The following PREP variants were observed in gnomAD, a reference collection of about 807,000 sequenced individuals.
PREP encodes dJ355L5.1 (prolyl endopeptidase).
In PREP, 29 loss-of-function variants were observed where a neutral mutation model predicts 87.6. The ratio of observed to expected loss-of-function variants is 0.33; its 90% CI spans 0.25 to 0.45. PREP has a LOEUF of 0.45. Among genes scored for constraint, PREP ranks in the 20% least tolerant of loss-of-function variants. The pLI is 1.00. For missense variants in PREP, 695 were observed against 886.5 expected (o/e 0.78, Z 2.74); for synonymous variants, 337 against 328.6 (o/e 1.03, Z -0.28).
intron 11 of PREP, among the ~76,000 whole-genome samples, chr6:105,288,404 G>A (rs1000499660): frequency 4.6e-5 from 7 of 152,214 alleles, no homozygotes; most frequent in African/African-American, 1.2e-4. Context: ...AGGCTGGAGC[G>A]CAGTGGCGTG....
At position 105,346,922 on chromosome 6, in the gene PREP, G is replaced by A. The variant is rs150547812; in HGVS notation, c.823+6050C>T. On this transcript the variant is annotated intron_variant, in intron 7 of 14. Coordinates refer to ENST00000652536, the MANE Select transcript of PREP (RefSeq NM_002726.5). The stretch of plus-strand genomic sequence containing the variant: ...TCATGACCAGCCTGGCCAACATGGC[G>A]AAACCCTGTTTCTACTAAAAATACA... Among the ~76,000 whole-genome samples the A allele has an allele frequency of 0.011, 1,699 of 152,270 alleles. 107 individuals are homozygous for A. The East Asian group carries it at 0.17, about 15-fold the overall frequency.
chr6:105,309,961 C>A (rs1770728247), intron 10 of PREP, among the ~76,000 whole-genome samples: 1 of 152,170 alleles, frequency 6.6e-6, no homozygotes, highest in African/African-American at 2.4e-5. Context: ...ATTTTCTTCC[C>A]CTCTCCTACC....
At chr6:105,376,991 T>C (rs532249587) in intron 3 of PREP, among the ~76,000 whole-genome samples, 1 of 152,280 alleles carries the variant, frequency 6.6e-6, no homozygotes, top group Admixed American at 6.5e-5. Context: ...GAGAAGTGAA[T>C]TCACCCATTT....
At chr6:105,350,640 T>C (rs1771924940) in intron 7 of PREP, among the ~76,000 whole-genome samples, 1 of 152,172 alleles carries the variant, frequency 6.6e-6, no homozygotes, top group Non-Finnish European at 1.5e-5. Flanking sequence ...CAGTGATCAA[T>C]TAAAAAGCAA....
intron 7 of PREP, among the ~76,000 whole-genome samples, chr6:105,340,305 G>T (rs954842630): frequency 2.4e-4 from 37 of 152,154 alleles, no homozygotes; most frequent in Admixed American, 2.4e-3. Context: ...CTTCATAAGT[G>T]AAGGAGAAAG....
intron 13 of PREP, 128 bp downstream of exon 13, chr6:105,282,323 T>C (rs1052170660): frequency 5.2e-6 from 6 of 1,163,492 alleles, no homozygotes; most frequent in Non-Finnish European, 6.0e-6. Flanking sequence ...TACAAATGGG[T>C]TTTGCTCTCC....
chr6:105,328,922 T>A lies in PREP; in HGVS notation c.1120A>T (p.Thr374Ser), dbSNP rs1249734176. The A allele has an allele frequency of 6.2e-7, 1 of 1,614,096 alleles. No individual in the cohort carries two copies. Among genetic ancestry groups the A allele is most frequent in the East Asian group, 2.2e-5 (1 of 44,880 alleles). Reference sequence around the variant, plus strand: ...ATGCTGCCGACATCGAGCGGGAAGGTCTTAAGGAGAGCACCAGTAGTCAGG... The same window carrying A: ...ATGCTGCCGACATCGAGCGGGAAGGACTTAAGGAGAGCACCAGTAGTCAGG... Reference protein sequence around the residue: ...HDLTTGALLKTFPLDVGSIVG... With the variant: ...HDLTTGALLKSFPLDVGSIVG... The change falls in exon 9 of 15, where the codon ACC becomes TCC. Residue 374 changes from threonine to serine, a missense_variant. Transcript: ENST00000652536.
chr6:105,354,149 T>A (rs147873816), intron 6 of PREP, among the ~76,000 whole-genome samples: 24 of 152,346 alleles, frequency 1.6e-4, no homozygotes, highest in African/African-American at 5.8e-4. Flanking sequence ...AACTGCTGTA[T>A]AGTATTACAA....
intron 7 of PREP, among the ~76,000 whole-genome samples, chr6:105,339,989 C>T (rs886465105): frequency 3.3e-5 from 5 of 152,094 alleles, no homozygotes; most frequent in Admixed American, 2.6e-4. Context: ...TCCAGGAGAA[C>T]GCCCCCAGCC....
At chr6:105,311,353 C>T (rs1209453169) in intron 10 of PREP, among the ~76,000 whole-genome samples, 1 of 152,192 alleles carries the variant, frequency 6.6e-6, no homozygotes, top group Admixed American at 6.5e-5. Flanking sequence ...ATCCACTCCC[C>T]CCTTACTCAC....
At chr6:105,352,215 A>C (rs1185208727) in intron 7 of PREP, among the ~76,000 whole-genome samples, 1 of 152,212 alleles carries the variant, frequency 6.6e-6, no homozygotes, top group Non-Finnish European at 1.5e-5. Context: ...GGGTGCCAGT[A>C]TGTCTGATAG....
intron 6 of PREP, among the ~76,000 whole-genome samples, chr6:105,353,811 G>A (rs1232132646): frequency 6.6e-6 from 1 of 151,278 alleles, no homozygotes; most frequent in Non-Finnish European, 1.5e-5. Flanking sequence ...AATGGGTATG[G>A]ACGCAAGAAA....
At chr6:105,292,841 C>A (rs1381061055) in intron 10 of PREP, among the ~76,000 whole-genome samples, 1 of 152,230 alleles carries the variant, frequency 6.6e-6, no homozygotes, top group Non-Finnish European at 1.5e-5. Flanking sequence ...GCATCTTGCA[C>A]TTTTATGTTA....
rs1211326710 is a variant in PREP at position 105,273,314 on chromosome 6, A to G, written c.*4830T>C. The stretch of plus-strand genomic sequence containing the variant: ...TCATACATTTCAAGTGTACAATTCA[A>G]TGACTTTTTAATACATTTACCAGGT... On this transcript the variant is annotated 3_prime_UTR_variant, in exon 15 of 15. Coordinates refer to ENST00000652536, the MANE Select transcript of PREP (RefSeq NM_002726.5). 6.6e-6 allele frequency: 1 copy of G among 152,194 alleles called. No individual in the cohort carries two copies. Among genetic ancestry groups the G allele is most frequent in the Non-Finnish European group, 1.5e-5 (1 of 68,034 alleles). 9.4% of individuals were successfully genotyped at this position (152,194 alleles called of 1,614,324 possible). A position where few individuals can be genotyped will look rare whatever the true frequency, so the allele number is the denominator to read the frequency against.
intron 2 of PREP, among the ~76,000 whole-genome samples, chr6:105,391,744 G>T (rs1288700385): frequency 2.6e-5 from 4 of 152,228 alleles, no homozygotes; most frequent in African/African-American, 9.6e-5. Flanking sequence ...AAGGGACCGG[G>T]AGACCGACTG....
rs1157416982 is a variant in PREP at position 105,282,715 on chromosome 6, A to C, written c.1550-133T>G. On this transcript the variant is annotated intron_variant, in intron 12 of 14. Coordinates refer to ENST00000652536, the MANE Select transcript of PREP (RefSeq NM_002726.5). ...AAAACCATGGGTTAACACTGCATTT[A>C]AAAAAAAGCCTCAATTTAAGTTCTG... is the stretch of plus-strand genomic sequence containing the variant. The C allele has an allele frequency of 4.2e-6, 4 of 950,914 alleles. No individual in the cohort carries two copies. The East Asian group carries it at 1.1e-4, about 27-fold the overall frequency. 58.9% of individuals were successfully genotyped at this position (950,914 alleles called of 1,614,324 possible). A position where few individuals can be genotyped will look rare whatever the true frequency, so the allele number is the denominator to read the frequency against.
chr6:105,400,986 A>G (rs1311231591), intron 1 of PREP, among the ~76,000 whole-genome samples: 3 of 152,054 alleles, frequency 2.0e-5, no homozygotes, highest in Non-Finnish European at 2.9e-5. Flanking sequence ...AAGATACTCC[A>G]CCGTAAGCTA....
chr6:105,299,388 C>G (rs2114624999), intron 10 of PREP, among the ~76,000 whole-genome samples: 1 of 152,336 alleles, frequency 6.6e-6, no homozygotes, highest in African/African-American at 2.4e-5. Context: ...CACTTGAGGA[C>G]AGGAGTTCAA....
At chr6:105,368,101 C>A (rs779043169) in intron 6 of PREP, among the ~76,000 whole-genome samples, 2 of 152,168 alleles carry the variant, frequency 1.3e-5, no homozygotes, top group African/African-American at 2.4e-5. Flanking sequence ...TGAAAATGTC[C>A]CTTTCCTAAC....
Sources: gnomAD v4.1 joint callset for allele counts (sites outside exome capture counted in the v4.1 genomes callset) on GRCh38, gnomAD v4.1.1 for gene constraint, MANE v1.5 for transcripts, NCBI Gene and HGNC (gene_info 2026-07-23, HGNC 2026-07-21) for gene names.